Variants in RBFOX3 observed in about 807,000 individuals in gnomAD.
RBFOX3 encodes RNA binding protein fox-1 homolog 3.
Under a neutral mutation model 48.7 loss-of-function variants are expected in RBFOX3, and 17 were observed. The observed-to-expected ratio is 0.35, with a 90% CI of 0.24 to 0.52. The LOEUF is 0.52. Among genes scored for constraint, RBFOX3 ranks in the 20% least tolerant of loss-of-function variants. The probability of loss-of-function intolerance (pLI) is 0.94; values close to 1 mark genes in which losing one functional copy is unlikely to be tolerated. For synonymous variants in RBFOX3, 212 were observed against 209.5 expected (o/e 1.01, Z -0.10); for missense variants, 382 against 497.5 (o/e 0.77, Z 2.21).
At chr17:79,464,738 G>A (rs548904424) in intron 2 of RBFOX3, among the ~76,000 whole-genome samples, 1 of 152,390 alleles carries the variant, frequency 6.6e-6, no homozygotes, top group South Asian at 2.1e-4. Context: ...ACAGAAAGAA[G>A]TGCAGGGTGC....
intron 3 of RBFOX3, among the ~76,000 whole-genome samples, chr17:79,251,185 G>C (rs947995729): frequency 3.9e-5 from 6 of 151,976 alleles, no homozygotes; most frequent in African/African-American, 1.5e-4. Context: ...CACACACCCT[G>C]GATGCTGTCT....
intron 4 of RBFOX3, among the ~76,000 whole-genome samples, chr17:79,170,305 T>C (rs1026911282): frequency 6.6e-6 from 1 of 151,932 alleles, no homozygotes; most frequent in Non-Finnish European, 1.5e-5. Context: ...CTGGCTGGGG[T>C]ACCGGCTCCG....
At chr17:79,412,057 T>C (rs1303653219) in intron 2 of RBFOX3, among the ~76,000 whole-genome samples, 6 of 152,132 alleles carry the variant, frequency 3.9e-5, no homozygotes, top group Non-Finnish European at 7.4e-5. Flanking sequence ...GAGTGTGTGG[T>C]ATGTGTGCGT....
rs982769268 is a variant in RBFOX3 at position 79,325,882 on chromosome 17, G to GA, written c.-174-18059dup. Among the ~76,000 whole-genome samples, 22 of 152,304 alleles carry GA rather than the reference G, an allele frequency of 1.4e-4. No individual in the cohort carries two copies. In the South Asian group the frequency reaches 3.9e-3, roughly 27 times the overall value. The stretch of plus-strand genomic sequence containing the variant: ...GCTTGCAGAAAAAGGAGCCTCCTAG[G>GA]AAAAACCCACCCGGGAGCTGTCCGG... On this transcript the variant is annotated intron_variant, in intron 2 of 14. Transcript: ENST00000693108.
intron 2 of RBFOX3, among the ~76,000 whole-genome samples, chr17:79,327,170 T>C (rs2079462117): frequency 6.6e-6 from 1 of 152,228 alleles, no homozygotes; most frequent in Non-Finnish European, 1.5e-5. Context: ...CCCTCTGTGG[T>C]TCCAGATCTT....
chr17:79,171,024 C>T (rs189433458), intron 4 of RBFOX3, among the ~76,000 whole-genome samples: 289 of 152,260 alleles, frequency 1.9e-3, no homozygotes, highest in Middle Eastern at 6.8e-3. Flanking sequence ...CCTAGGTCTC[C>T]GGTGGAGATA....
the RBFOX3 span, among the ~76,000 whole-genome samples, chr17:79,624,931 G>T: frequency 6.6e-6 from 1 of 151,928 alleles, no homozygotes; most frequent in East Asian, 2.0e-4. Flanking sequence ...CCAAGGGCAG[G>T]ACTCCTGCCC....
At chr17:79,176,666 A>G (rs2050615884) in intron 4 of RBFOX3, among the ~76,000 whole-genome samples, 1 of 152,042 alleles carries the variant, frequency 6.6e-6, no homozygotes, top group Admixed American at 6.6e-5. Context: ...GGGGTTTCCC[A>G]GGGGCCTAGT....
the RBFOX3 span, among the ~76,000 whole-genome samples, chr17:79,648,334 G>A: frequency 6.6e-6 from 1 of 152,146 alleles, no homozygotes; most frequent in Non-Finnish European, 1.5e-5. Context: ...GCACAGTCAG[G>A]ACCTAACTCA....
At chr17:79,561,264 T>C (rs2092196753) in intron 1 of RBFOX3, among the ~76,000 whole-genome samples, 1 of 152,110 alleles carries the variant, frequency 6.6e-6, no homozygotes, top group East Asian at 1.9e-4. Context: ...CTCCAAGGGT[T>C]CAAAGGGAGT....
chr17:79,096,210 G>T (rs1226232146), intron 12 of RBFOX3, among the ~76,000 whole-genome samples: 2 of 152,176 alleles, frequency 1.3e-5, no homozygotes, highest in Admixed American at 1.3e-4. Flanking sequence ...CCATGAAGGG[G>T]GAGAAAGGCC....
chr17:79,129,190 C>A (rs1214088992), intron 4 of RBFOX3, among the ~76,000 whole-genome samples: 2 of 150,274 alleles, frequency 1.3e-5, no homozygotes, highest in African/African-American at 4.8e-5. Context: ...CTTACGAATG[C>A]CCAGCACTGG....
At chr17:79,475,372 A>G (rs1199742158) in intron 2 of RBFOX3, among the ~76,000 whole-genome samples, 1 of 152,080 alleles carries the variant, frequency 6.6e-6, no homozygotes, top group East Asian at 1.9e-4. Flanking sequence ...AGAGCATCTC[A>G]GTGTCTGGGT....
chr17:79,306,866 C>A (rs897593), intron 3 of RBFOX3, among the ~76,000 whole-genome samples: 75,916 of 152,174 alleles, frequency 0.5, 21,209 homozygotes, highest in Non-Finnish European at 0.61. Flanking sequence ...GGGCCTCTGT[C>A]AGGAGGAAGA....
chr17:79,197,223 G>A (rs905653050), intron 4 of RBFOX3, among the ~76,000 whole-genome samples: 12 of 152,136 alleles, frequency 7.9e-5, no homozygotes, highest in Non-Finnish European at 1.6e-4. Flanking sequence ...CGTCGGGGCT[G>A]TCCACATGCT....
At chr17:79,367,625 T>C (rs11649977) in intron 2 of RBFOX3, among the ~76,000 whole-genome samples, 120,157 of 151,990 alleles carry the variant, frequency 0.79, 48,427 homozygotes, top group Non-Finnish European at 0.87. Context: ...GCCAGTAACT[T>C]GAAAATATTT....
chr17:79,312,695 TCATGCA>T (rs1334010325), intron 2 of RBFOX3, among the ~76,000 whole-genome samples: 1 of 152,130 alleles, frequency 6.6e-6, no homozygotes, highest in African/African-American at 2.4e-5. Context: ...TCCAGCTCCT[TCATGCA>T]CATAAAAAGA....
At chr17:79,128,308 G>A (rs1015691615) in intron 4 of RBFOX3, among the ~76,000 whole-genome samples, 1 of 152,186 alleles carries the variant, frequency 6.6e-6, no homozygotes, top group East Asian at 1.9e-4. Flanking sequence ...GGATGAGGGG[G>A]GGACTTTGCT....
At chr17:79,291,766 C>T (rs2073311267) in intron 3 of RBFOX3, among the ~76,000 whole-genome samples, 1 of 152,202 alleles carries the variant, frequency 6.6e-6, no homozygotes, top group African/African-American at 2.4e-5. Flanking sequence ...AGCCCCTCTC[C>T]CCTGGCAACT....
Sources: gnomAD v4.1 joint callset for allele counts (sites outside exome capture counted in the v4.1 genomes callset) on GRCh38, gnomAD v4.1.1 for gene constraint, MANE v1.5 for transcripts, NCBI Gene and HGNC (gene_info 2026-07-23, HGNC 2026-07-21) for gene names.